The following RIPOR1 variants were observed in gnomAD, a reference collection of about 807,000 sequenced individuals.
RIPOR1 encodes RHO family interacting cell polarization regulator 1.
Under a neutral mutation model 116.5 loss-of-function variants are expected in RIPOR1, and 58 were observed. The ratio of observed to expected loss-of-function variants is 0.50; its 90% CI spans 0.40 to 0.62. RIPOR1 has a LOEUF of 0.62. Ranked by LOEUF, RIPOR1 falls within the 20% of genes least tolerant of loss-of-function variation. RIPOR1 has a pLI of 0.00. For missense variants in RIPOR1, 1,372 were observed against 1,586.2 expected, an observed-to-expected ratio of 0.86 and a Z score of 2.29; for synonymous variants, 605 against 650.0, an observed-to-expected ratio of 0.93 and a Z score of 1.05.
upstream of RIPOR1, among the ~76,000 whole-genome samples, chr16:67,524,346 G>A (rs979111198): frequency 2.0e-5 from 3 of 152,128 alleles, no homozygotes; most frequent in Admixed American, 6.5e-5. Context: ...AAGTATACCC[G>A]CAAGCCTCAT....
Position 67,543,682 on chromosome 16 carries a change from G to C in RIPOR1, c.2600+213G>C. ...CATGCCCATGTCTCCAACCCTACGT[G>C]TGTCCCCAGTGCTTCTGACCGCCCT... On this transcript the variant is annotated intron_variant, in intron 14 of 21. Transcript: ENST00000042381. This position sits in a 1 kb window ranked among gnomAD's most constrained non-coding sequence, Gnocchi z 4.7. 1.6e-6 allele frequency: 1 copy of C among 642,216 alleles called. No individual in the cohort carries two copies. Among genetic ancestry groups the C allele is most frequent in the Non-Finnish European group, 2.7e-6 (1 of 371,324 alleles). 39.8% of individuals were successfully genotyped at this position (642,216 alleles called of 1,614,324 possible). A position where few individuals can be genotyped will look rare whatever the true frequency, so the allele number is the denominator to read the frequency against.
chr16:67,542,508 C>G lies in RIPOR1; in HGVS notation c.1722C>G (p.Thr574=). The G allele has an allele frequency of 6.2e-7, 1 of 1,613,928 alleles. No individual in the cohort carries two copies. Among genetic ancestry groups the G allele is most frequent in the Non-Finnish European group, 8.5e-7 (1 of 1,179,960 alleles). Residue 574 remains threonine (T), a synonymous_variant, in exon 13 of 22, where the codon ACC becomes ACG. Transcript: ENST00000042381. The surrounding 1 kb of genome is among the most constrained non-coding windows in gnomAD (Gnocchi z 4.6). Reference sequence around the variant, plus strand: ...TCACTCACACTACTACAGGCTCCACCCACAAGCCCATAATCTCTACCCTTA... The same window carrying G: ...TCACTCACACTACTACAGGCTCCACGCACAAGCCCATAATCTCTACCCTTA... ...SPLTHTTTGS[T]HKPIISTLTT...
intron 20 of RIPOR1, 52 bp downstream of exon 20, chr16:67,546,084 C>A: frequency 6.2e-7 from 1 of 1,608,978 alleles, no homozygotes; most frequent in South Asian, 1.1e-5. Context: ...CACCCCCACC[C>A]CTGAAACCCT....
Position 67,542,957 on chromosome 16 carries a change from C to G in RIPOR1, c.2171C>G (p.Thr724Ser). The stretch of plus-strand genomic sequence containing the variant: ...CAGGCAGACCCTATGGCCCCCAGAA[C>G]TCCCCACCCAAGTCCTGCCCATTCC... The part of the protein sequence containing the change: ...YTQADPMAPR[T>S]PHPSPAHSSR... Residue 724 changes from threonine to serine, a missense_variant, in exon 13 of 22, where the codon ACT becomes AGT. By Grantham distance (58) the Thr-to-Ser change is moderately conservative. Around this residue, in one of 3 missense-constraint regions of RIPOR1, gnomAD observed 1,005 missense variants for 1,144.7 expected, o/e 0.88. Transcript: ENST00000042381. The surrounding 1 kb of genome is among the most constrained non-coding windows in gnomAD (Gnocchi z 4.6). The G allele has an allele frequency of 6.3e-7, 1 of 1,584,472 alleles. No individual in the cohort carries two copies. Among genetic ancestry groups the G allele is most frequent in the Non-Finnish European group, 8.6e-7 (1 of 1,164,046 alleles).
At position 67,543,104 on chromosome 16, in the gene RIPOR1, C is replaced by T. The variant is rs768908268; in HGVS notation, c.2318C>T (p.Ala773Val). ...CATTCAGACCTTTGCCTGGCCATGG[C>T]TGTCCAGACCCCAGTCCCAACGGCA... The part of the protein sequence containing the change: ...PQHSDLCLAM[A>V]VQTPVPTAAG... The change falls in exon 13 of 22, where the codon GCT becomes GTT. Residue 773 changes from alanine to valine, a missense_variant. This residue lies in a region of RIPOR1 where 1,005 missense variants were observed against 1,144.7 expected (regional missense o/e 0.88). Coordinates refer to ENST00000042381, the MANE Select transcript of RIPOR1 (RefSeq NM_024519.4). This position sits in a 1 kb window ranked among gnomAD's most constrained non-coding sequence, Gnocchi z 4.7. 2 of 1,522,728 alleles carry T rather than the reference C, an allele frequency of 1.3e-6. No homozygotes were observed. Among genetic ancestry groups the T allele is most frequent in the South Asian group, 2.6e-5 (2 of 75,496 alleles). The allele number at this position is 1,522,728 out of a possible 1,614,324, so 94.3% of individuals were successfully genotyped here. A position where few individuals can be genotyped will look rare whatever the true frequency, so the allele number is the denominator to read the frequency against.
upstream of RIPOR1, among the ~76,000 whole-genome samples, chr16:67,526,863 C>T (rs758385168): frequency 1.8e-4 from 27 of 152,212 alleles, no homozygotes; most frequent in Non-Finnish European, 7.3e-5. Context: ...GCTTTGAGAA[C>T]TCCAGAAAAC....
chr16:67,537,591 A>G lies in RIPOR1; in HGVS notation c.-23-833A>G, dbSNP rs1597634226. 7.0e-7 allele frequency: 1 copy of G among 1,420,286 alleles called. No individual in the cohort carries two copies. Among genetic ancestry groups the G allele is most frequent in the Non-Finnish European group, 9.2e-7 (1 of 1,086,268 alleles). The allele number at this position is 1,420,286 out of a possible 1,614,324, so 88.0% of individuals were successfully genotyped here. A position where few individuals can be genotyped will look rare whatever the true frequency, so the allele number is the denominator to read the frequency against. ...TCCCGGACCCACCATGAACACCAAGAAGAGAGGTAGGACCCAGCTCGGGGC... is the reference window on the plus strand; with the variant it reads ...TCCCGGACCCACCATGAACACCAAGGAGAGAGGTAGGACCCAGCTCGGGGC... On this transcript the variant is annotated intron_variant, in intron 1 of 21. Transcript: ENST00000042381. The surrounding 1 kb of genome is among the most constrained non-coding windows in gnomAD (Gnocchi z 4.6).
chr16:67,534,835 CTTTTTTTTTTTT>C (rs553858194), intron 1 of RIPOR1, among the ~76,000 whole-genome samples: 2 of 79,022 alleles, frequency 2.5e-5, no homozygotes, highest in Non-Finnish European at 2.3e-5. Context: ...TTCTTTTTTT[CTTTTTTTTTTTT>C]TTTTTTTTTT....
At position 67,519,066 on chromosome 16, in the gene RIPOR1, C is replaced by T. The variant is rs866427350; in HGVS notation, c.-24+453C>T. ...TTGGGAGGCTGAGGTGGGTGGATCACCTGAGGTCAGGAGTTTGAGACCAGC... is the reference window on the plus strand; with the variant it reads ...TTGGGAGGCTGAGGTGGGTGGATCATCTGAGGTCAGGAGTTTGAGACCAGC... On this transcript the variant is annotated intron_variant, in intron 1 of 1. Transcript: ENST00000562116. Among the ~76,000 whole-genome samples the T allele has an allele frequency of 4.6e-5, 7 of 152,204 alleles. No individual in the cohort carries two copies. The South Asian group carries it at 1.5e-3, about 32-fold the overall frequency.
In RIPOR1 at chr16:67,543,522, G is replaced by A. The variant is rs1198849663; in HGVS notation, c.2600+53G>A. On this transcript the variant is annotated intron_variant, in intron 14 of 21. Transcript: ENST00000042381. This position sits in a 1 kb window ranked among gnomAD's most constrained non-coding sequence, Gnocchi z 4.7. Reference sequence around the variant, plus strand: ...AGGCTAGGTGAGAGGGAAAAGGTGAGGCAGGACCAGGGGAAGGTGGAACAG... The same window carrying A: ...AGGCTAGGTGAGAGGGAAAAGGTGAAGCAGGACCAGGGGAAGGTGGAACAG... The A allele has an allele frequency of 1.3e-6, 2 of 1,540,350 alleles. No homozygotes were observed. The highest frequency in any genetic ancestry group is 1.7e-6 in the Non-Finnish European group (2 of 1,146,298).
intron 4 of RIPOR1, 44 bp downstream of exon 4, chr16:67,539,112 G>A: frequency 6.4e-7 from 1 of 1,559,888 alleles, no homozygotes; most frequent in East Asian, 2.3e-5. Context: ...CTTTGGTGTG[G>A]AGGGCTGGGC....
In RIPOR1 at chr16:67,543,812, GCT is replaced by G. The variant is rs2051078497; in HGVS notation, c.2600+349_2600+350del. 2.4e-6 allele frequency: 1 copy of G among 409,524 alleles called. No individual in the cohort carries two copies. The highest frequency in any genetic ancestry group is 4.5e-6 in the Non-Finnish European group (1 of 219,790). 25.4% of individuals were successfully genotyped at this position (409,524 alleles called of 1,614,324 possible). A position where few individuals can be genotyped will look rare whatever the true frequency, so the allele number is the denominator to read the frequency against. On this transcript the variant is annotated intron_variant, in intron 14 of 21. Coordinates refer to ENST00000042381, the MANE Select transcript of RIPOR1 (RefSeq NM_024519.4). This position sits in a 1 kb window ranked among gnomAD's most constrained non-coding sequence, Gnocchi z 4.7. ...TCACCTTGGACCTGCCCTTTAAGGA[GCT>G]CTCTCAGTGTCTCGCCGTGCACCCT...
intron 2 of RIPOR1, 25 bp from the exon 3 acceptor site, chr16:67,538,647 T>C: frequency 6.2e-7 from 1 of 1,611,338 alleles, no homozygotes; most frequent in Non-Finnish European, 8.5e-7. Context: ...TGCTCTCCTC[T>C]TTCTGAGGAC....
rs771239489 is a variant in RIPOR1, at chr16:67,538,712, C to G, written c.145C>G (p.Pro49Ala). 6.2e-7 allele frequency: 1 copy of G among 1,613,282 alleles called. No individual in the cohort carries two copies. The highest frequency in any genetic ancestry group is 1.7e-5 in the Admixed American group (1 of 60,022). ...VFSPPGPPRK[P>A]PALSRVSRMF... ...CAGCCCGCCGGGGCCCCCACGGAAG[C>G]CCCCCGCGCTCTCCCGAGTGTCCAG... Residue 49 changes from proline to alanine, a missense_variant, in exon 3 of 22, where the codon CCC becomes GCC. By Grantham distance (27) the Pro-to-Ala change is conservative. Transcript: ENST00000042381.
Position 67,537,900 on chromosome 16 carries a change from GGGGGCGGGCGACA to G in RIPOR1, c.-23-523_-23-511del, listed in dbSNP as rs1248423051. On this transcript the variant is annotated intron_variant, in intron 1 of 21. Coordinates refer to ENST00000042381, the MANE Select transcript of RIPOR1 (RefSeq NM_024519.4). The surrounding 1 kb of genome is among the most constrained non-coding windows in gnomAD (Gnocchi z 4.6). ...GGGCAGCAGGTCACGCTGGCAGGCG[GGGGGCGGGCGACA>G]AACCCGCACCGGCTGGGCCTGTCGG... Among the ~76,000 whole-genome samples, 74 of 152,066 alleles carry G rather than the reference GGGGGCGGGCGACA, an allele frequency of 4.9e-4. No homozygotes were observed. The highest frequency in any genetic ancestry group is 1.6e-4 in the Non-Finnish European group (11 of 67,958).
At position 67,543,622 on chromosome 16, in the gene RIPOR1, G is replaced by A. The variant is rs1359941931; in HGVS notation, c.2600+153G>A. ...GGAGCATGTGAGGACTGAGTTGCTG[G>A]CAGGTGCACCTGTGTCCACCCCTCC... On this transcript the variant is annotated intron_variant, in intron 14 of 21. Coordinates refer to ENST00000042381, the MANE Select transcript of RIPOR1 (RefSeq NM_024519.4). This position sits in a 1 kb window ranked among gnomAD's most constrained non-coding sequence, Gnocchi z 4.7. 8.2e-6 allele frequency: 9 copies of A among 1,091,000 alleles called. No homozygotes were observed. The highest frequency in any genetic ancestry group is 2.1e-5 in the Admixed American group (1 of 47,042). 67.6% of individuals were successfully genotyped at this position (1,091,000 alleles called of 1,614,324 possible). A position where few individuals can be genotyped will look rare whatever the true frequency, so the allele number is the denominator to read the frequency against.
chr16:67,539,517 G>A (rs2050907497), intron 4 of RIPOR1: 1 of 636,996 alleles, frequency 1.6e-6, no homozygotes. Context: ...AGAGGTGGAA[G>A]GAGGGGTCCT....
intron 1 of RIPOR1, among the ~76,000 whole-genome samples, chr16:67,534,203 T>C (rs2050736067): frequency 6.6e-6 from 1 of 151,600 alleles, no homozygotes; most frequent in Non-Finnish European, 1.5e-5. Flanking sequence ...CGACCTCAGC[T>C]CACTGCCTCC....
chr16:67,538,259 C>T, intron 1 of RIPOR1, 165 bp from the exon 2 acceptor site: 2 of 830,554 alleles, frequency 2.4e-6, no homozygotes, highest in Middle Eastern at 3.6e-4. Flanking sequence ...TGCGGCTGTC[C>T]TGTCATTAGT....
Sources: gnomAD v4.1 joint callset for allele counts (sites outside exome capture counted in the v4.1 genomes callset) on GRCh38, gnomAD v4.1.1 for gene constraint, gnomAD v4.1.1 regional missense constraint, Gnocchi (gnomAD v3.1) non-coding constraint, MANE v1.5 for transcripts, NCBI Gene and HGNC (gene_info 2026-07-23, HGNC 2026-07-21) for gene names.